The following ANKRD44 variants were observed in gnomAD, a reference collection of about 807,000 sequenced individuals.
The protein encoded by ANKRD44 is serine/threonine-protein phosphatase 6 regulatory ankyrin repeat subunit B.
A neutral mutation model predicts 116.0 loss-of-function variants in ANKRD44; 35 were observed. That is an observed-to-expected ratio of 0.30 (90% CI 0.23 to 0.40). The LOEUF is 0.40. Ranked by LOEUF, ANKRD44 falls within the 10% of genes least tolerant of loss-of-function variation. The pLI, the probability that ANKRD44 is intolerant of heterozygous loss-of-function variation, is 1.00. For missense variants in ANKRD44, 1,014 were observed against 1,242.6 expected (o/e 0.82, Z 2.77); for synonymous variants, 435 against 461.8 (o/e 0.94, Z 0.74).
At chr2:196,990,832 T>A in intron 27 of ANKRD44, 1 of 1,232,412 alleles carries the variant, frequency 8.1e-7, no homozygotes, top group Non-Finnish European at 1.0e-6. Flanking sequence ...GCCATCATTG[T>A]ACTGGAAGGA....
At chr2:197,266,513 C>G (rs1335090041) in intron 1 of ANKRD44, among the ~76,000 whole-genome samples, 3 of 151,644 alleles carry the variant, frequency 2.0e-5, no homozygotes, top group African/African-American at 7.3e-5. Flanking sequence ...ATTTTTCACC[C>G]TTTATATTTA....
At chr2:197,142,010 A>T (rs1333381473) in intron 3 of ANKRD44, among the ~76,000 whole-genome samples, 2 of 152,266 alleles carry the variant, frequency 1.3e-5, no homozygotes, top group Non-Finnish European at 1.5e-5. Context: ...AATGATTTAA[A>T]GGCAAATGCT....
chr2:197,163,747 G>A (rs1574585660), intron 2 of ANKRD44, among the ~76,000 whole-genome samples: 2 of 152,054 alleles, frequency 1.3e-5, no homozygotes, highest in African/African-American at 4.8e-5. Flanking sequence ...CCTACCTCAG[G>A]CTCCCGAGTA....
intron 1 of ANKRD44, among the ~76,000 whole-genome samples, chr2:197,221,844 T>C (rs2081592679): frequency 6.6e-6 from 1 of 152,078 alleles, no homozygotes; most frequent in Non-Finnish European, 1.5e-5. Flanking sequence ...GCACAAAAAG[T>C]CAGAGAGGCA....
intron 1 of ANKRD44, among the ~76,000 whole-genome samples, chr2:197,224,083 T>A (rs1162407457): frequency 6.6e-6 from 1 of 152,186 alleles, no homozygotes; most frequent in East Asian, 1.9e-4. Context: ...ATGGAAAGGA[T>A]CTTGGTCCCT....
chr2:197,308,433 C>T (rs2084140057), intron 1 of ANKRD44, among the ~76,000 whole-genome samples: 1 of 152,312 alleles, frequency 6.6e-6, no homozygotes, highest in East Asian at 1.9e-4. Context: ...AAAGACCACA[C>T]ACTTACTTCC....
intron 2 of ANKRD44, among the ~76,000 whole-genome samples, chr2:197,151,916 T>G (rs1415130694): frequency 6.6e-6 from 1 of 152,120 alleles, no homozygotes; most frequent in African/African-American, 2.4e-5. Flanking sequence ...ATATCCGAAC[T>G]GGCCTGTGCA....
chr2:197,011,270 A>G (rs1396324095), intron 18 of ANKRD44, among the ~76,000 whole-genome samples: 1 of 152,242 alleles, frequency 6.6e-6, no homozygotes, highest in Non-Finnish European at 1.5e-5. Flanking sequence ...TTCTGTAGCA[A>G]CTTAATACTC....
intron 1 of ANKRD44, among the ~76,000 whole-genome samples, chr2:197,276,007 G>T (rs922799982): frequency 1.3e-5 from 2 of 152,134 alleles, no homozygotes; most frequent in African/African-American, 4.8e-5. Flanking sequence ...CGGGCGCAGT[G>T]GCTCACGCCT....
chr2:197,132,115 A>G (rs1308456310), intron 4 of ANKRD44, among the ~76,000 whole-genome samples: 1 of 152,170 alleles, frequency 6.6e-6, no homozygotes, highest in Non-Finnish European at 1.5e-5. Flanking sequence ...AGAAAAAAAA[A>G]GGAGAATGAG....
At chr2:197,310,529 C>T (rs1197743338) in intron 1 of ANKRD44, 49 bp downstream of exon 1, 2 of 1,033,832 alleles carry the variant, frequency 1.9e-6, no homozygotes, top group Non-Finnish European at 1.2e-6. Flanking sequence ...CCGGGCTCCG[C>T]GCCGCCCCGC....
At chr2:197,120,505 G>T (rs928176307) in intron 8 of ANKRD44, among the ~76,000 whole-genome samples, 1 of 152,120 alleles carries the variant, frequency 6.6e-6, no homozygotes, top group African/African-American at 2.4e-5. Flanking sequence ...CAAAAAATTA[G>T]CTGGGCATGG....
Position 197,181,611 on chromosome 2 carries a change from C to G in ANKRD44, c.111+5412G>C, listed in dbSNP as rs538919538. 3.3e-5 allele frequency among the ~76,000 whole-genome samples: 5 copies of G among 152,236 alleles called. No individual in the cohort carries two copies. The South Asian group carries it at 6.2e-4, about 19-fold the overall frequency. On this transcript the variant is annotated intron_variant, in intron 2 of 27. Transcript: ENST00000282272. ...CTAAGACTCAAAGGAAAAAAAGTGC[C>G]ATGAACCATTAGCAATGTTGGCCAG...
chr2:196,972,235 G>A lies in ANKRD44; in HGVS notation c.2369-4789C>T, dbSNP rs188766302. Among the ~76,000 whole-genome samples the A allele has an allele frequency of 5.6e-4, 85 of 152,156 alleles. No homozygotes were observed. The East Asian group carries it at 0.014, about 24-fold the overall frequency. On this transcript the variant is annotated intron_variant, in intron 21 of 21. Transcript: ENST00000424317. ...ATATTATTTTTTGAGACAGGATCTC[G>A]CTTTGTTACCCAGGCTGGAGTATGG...
intron 18 of ANKRD44, among the ~76,000 whole-genome samples, chr2:197,010,464 C>A (rs2076279158): frequency 6.6e-6 from 1 of 152,150 alleles, no homozygotes; most frequent in Non-Finnish European, 1.5e-5. Flanking sequence ...GCAGGAAATG[C>A]GGCCCCCATG....
rs562448400 is a variant in ANKRD44, at chr2:197,115,496, G to C, written c.907-4652C>G. 2.0e-5 allele frequency among the ~76,000 whole-genome samples: 3 copies of C among 152,242 alleles called. No individual in the cohort carries two copies. The South Asian group carries it at 6.2e-4, about 32-fold the overall frequency. On this transcript the variant is annotated intron_variant, in intron 8 of 27. Coordinates refer to ENST00000282272, the MANE Select transcript of ANKRD44 (RefSeq NM_001195144.2). The stretch of plus-strand genomic sequence containing the variant: ...AAAAACAGGACCAGAGTCAATCAAT[G>C]TAAGCAAAATGAGGAACTGTGAAAT...
chr2:197,183,834 C>A (rs1281310830), intron 2 of ANKRD44, among the ~76,000 whole-genome samples: 1 of 152,174 alleles, frequency 6.6e-6, no homozygotes, highest in African/African-American at 2.4e-5. Context: ...TCCCTCCATC[C>A]CCTGCTTATC....
intron 16 of ANKRD44, among the ~76,000 whole-genome samples, chr2:197,037,321 T>A (rs2076826364): frequency 6.6e-6 from 1 of 152,338 alleles, no homozygotes; most frequent in East Asian, 1.9e-4. Flanking sequence ...CCATATCCAA[T>A]AATAATGTAA....
chr2:197,057,335 G>A (rs564750008), intron 16 of ANKRD44, among the ~76,000 whole-genome samples: 31 of 152,066 alleles, frequency 2.0e-4, no homozygotes, highest in Middle Eastern at 3.4e-3. Flanking sequence ...TAGCTGTTAC[G>A]TATTATCTTT....
Sources: allele counts gnomAD v4.1 joint callset (sites outside exome capture counted in the v4.1 genomes callset), GRCh38; gene constraint gnomAD v4.1.1; transcripts MANE v1.5; gene names NCBI Gene and HGNC (gene_info 2026-07-23, HGNC 2026-07-21).